Variants in CCDC169 observed in about 807,000 individuals in gnomAD.
CCDC169 encodes coiled-coil domain containing 169, also known as coiled-coil domain-containing protein 169.
CCDC169 carries 30 observed loss-of-function variants against 36.0 expected under a neutral mutation model. That is an observed-to-expected ratio of 0.83 (90% confidence interval 0.62 to 1.13). The LOEUF is 1.13. Among genes scored for constraint, CCDC169 ranks in the 50% most tolerant of loss-of-function variants. The probability of loss-of-function intolerance (pLI) is 0.00; values close to 1 mark genes in which losing one functional copy is unlikely to be tolerated. For synonymous variants in CCDC169, 85 were observed against 81.5 expected (o/e 1.04, Z -0.23); for missense variants, 245 against 245.9 (o/e 1.00, Z 0.03).
chr13:36,258,930 G>A lies in CCDC169; in HGVS notation c.316-4787C>T, dbSNP rs145354687. On this transcript the variant is annotated intron_variant, in intron 4 of 7. Coordinates refer to ENST00000239859, the MANE Select transcript of CCDC169 (RefSeq NM_001144981.3). ...ACAGTTTCTCCAGACATTACAGTGT[G>A]ACTGGCCATGTCATCTGTCACAGGT... is the stretch of plus-strand genomic sequence containing the variant. Among the ~76,000 whole-genome samples, 183 of 152,292 alleles carry A rather than the reference G, an allele frequency of 1.2e-3. 1 individual carries two copies. The highest frequency in any genetic ancestry group is 4.2e-3 in the African/African-American group (176 of 41,566).
chr13:36,282,662 T>C (rs544561083), intron 4 of CCDC169: 55 of 406,580 alleles, frequency 1.4e-4, no homozygotes, highest in Non-Finnish European at 1.8e-4. Context: ...TAATTCTCTG[T>C]CTCTGGATCT....
chr13:36,293,094 T>C (rs187159702), intron 2 of CCDC169, among the ~76,000 whole-genome samples: 26 of 143,218 alleles, frequency 1.8e-4, no homozygotes, highest in African/African-American at 6.7e-4. Flanking sequence ...GGAGAGGTGG[T>C]AGAGGTTTGA....
At chr13:36,262,901 G>T (rs909824090) in intron 4 of CCDC169, among the ~76,000 whole-genome samples, 1 of 152,144 alleles carries the variant, frequency 6.6e-6, no homozygotes, top group Non-Finnish European at 1.5e-5. Context: ...GACATATAAA[G>T]CAGTGAAAAC....
chr13:36,288,813 G>A (rs1361232151), intron 2 of CCDC169, among the ~76,000 whole-genome samples: 5 of 151,890 alleles, frequency 3.3e-5, no homozygotes, highest in Admixed American at 1.3e-4. Flanking sequence ...GAAAGTTGTG[G>A]ATACAAAAAT....
Position 36,232,171 on chromosome 13 carries a change from T to TG in CCDC169, c.546-880dup, listed in dbSNP as rs1415489791. Among the ~76,000 whole-genome samples, 4 of 152,222 alleles carry TG rather than the reference T, an allele frequency of 2.6e-5. No individual in the cohort carries two copies. The East Asian group carries it at 7.7e-4, about 29-fold the overall frequency. ...CCCCTGACTTTCATCCCCAGCTCCA[T>TG]GGTAGCCTTGAAAACCAACAGCGCA... On this transcript the variant is annotated intron_variant, in intron 7 of 7. Transcript: ENST00000239859.
intron 4 of CCDC169, chr13:36,281,236 C>A (rs930305694): frequency 4.4e-6 from 2 of 450,980 alleles, no homozygotes; most frequent in African/African-American, 2.0e-5. Context: ...ACTGCACCAC[C>A]CCTGGACTGC....
intron 2 of CCDC169, among the ~76,000 whole-genome samples, chr13:36,288,590 C>G (rs975822825): frequency 7.9e-5 from 12 of 152,076 alleles, no homozygotes; most frequent in Non-Finnish European, 1.5e-4. Flanking sequence ...ATGGTTTCAT[C>G]CAGAAAATCC....
chr13:36,297,176 A>G (rs939671486), intron 1 of CCDC169, among the ~76,000 whole-genome samples: 3 of 152,206 alleles, frequency 2.0e-5, no homozygotes, highest in African/African-American at 7.2e-5. Flanking sequence ...ATTTAACACG[A>G]AGTACGAATA....
intron 4 of CCDC169, among the ~76,000 whole-genome samples, chr13:36,269,079 G>A (rs2138549031): frequency 6.6e-6 from 1 of 151,880 alleles, no homozygotes; most frequent in African/African-American, 2.4e-5. Context: ...ACTCCAGCCG[G>A]GGTGAGAGAG....
intron 6 of CCDC169, among the ~76,000 whole-genome samples, chr13:36,252,020 AG>A (rs1566067903): frequency 6.6e-6 from 1 of 152,216 alleles, no homozygotes; most frequent in Non-Finnish European, 1.5e-5. Flanking sequence ...AGGCCCAGAA[AG>A]GTCACATGGT....
At chr13:36,283,076 C>T (rs77689264) in intron 4 of CCDC169, 3 of 190,468 alleles carry the variant, frequency 1.6e-5, no homozygotes, top group African/African-American at 2.4e-5. Flanking sequence ...AACAATTTTT[C>T]GAGTTAGAAA....
downstream of CCDC169, chr13:36,222,904 A>T (rs1869687840): frequency 6.6e-6 from 1 of 152,148 alleles, no homozygotes; most frequent in Non-Finnish European, 1.5e-5. Context: ...CAGAAGATAT[A>T]AAAAAAGAAC....
chr13:36,257,719 A>G (rs935028982), intron 4 of CCDC169, among the ~76,000 whole-genome samples: 2 of 151,650 alleles, frequency 1.3e-5, no homozygotes, highest in African/African-American at 2.4e-5. Flanking sequence ...AGAAAAAAAG[A>G]AAAAATCTTT....
At chr13:36,227,039 G>T, downstream of CCDC169, 1 of 433,182 alleles carries the variant, frequency 2.3e-6, no homozygotes, top group Non-Finnish European at 4.1e-6. Flanking sequence ...AAGTCAGCTC[G>T]AGGAGAGTTG....
At chr13:36,230,663 G>A (rs1463057358), downstream of CCDC169, 1 of 627,024 alleles carries the variant, frequency 1.6e-6, no homozygotes, top group Non-Finnish European at 2.0e-6. Flanking sequence ...ACTTGCCCAA[G>A]ATCTCCTAAG....
intron 2 of CCDC169, among the ~76,000 whole-genome samples, chr13:36,294,866 T>C (rs1395769998): frequency 6.6e-6 from 1 of 152,194 alleles, no homozygotes; most frequent in Non-Finnish European, 1.5e-5. Flanking sequence ...GTCTGTAATC[T>C]ATAGATAACA....
chr13:36,222,673 T>G (rs986101821), downstream of CCDC169: 1 of 152,186 alleles, frequency 6.6e-6, no homozygotes, highest in African/African-American at 2.4e-5. Flanking sequence ...TTAATTTAAC[T>G]GCCTATAAGA....
intron 4 of CCDC169, among the ~76,000 whole-genome samples, chr13:36,256,102 A>T (rs1873845078): frequency 6.6e-6 from 1 of 152,114 alleles, no homozygotes; most frequent in Non-Finnish European, 1.5e-5. Flanking sequence ...GCAGCTGTGC[A>T]GGTTGCTGAT....
chr13:36,276,832 G>C (rs9547067), intron 4 of CCDC169, among the ~76,000 whole-genome samples: 38,464 of 151,952 alleles, frequency 0.25, 5,157 homozygotes, highest in East Asian at 0.49. Flanking sequence ...ATCTTTCTCT[G>C]AGGGATATAC....
Sources: gnomAD v4.1 joint callset for allele counts (sites outside exome capture counted in the v4.1 genomes callset) on GRCh38, gnomAD v4.1.1 for gene constraint, MANE v1.5 for transcripts, NCBI Gene and HGNC (gene_info 2026-07-23, HGNC 2026-07-21) for gene names.